BCORL1: variants seen among roughly 807,000 people sequenced by gnomAD.
BCORL1 encodes BCL-6 corepressor-like protein 1.
In BCORL1, 7 loss-of-function variants were observed where a neutral mutation model predicts 87.6. The ratio of observed to expected loss-of-function variants is 0.08; its 90% CI spans 0.05 to 0.15. BCORL1 has a LOEUF of 0.15. Ranked by LOEUF, BCORL1 falls within the 10% of genes least tolerant of loss-of-function variation. BCORL1 has a pLI of 1.00. For missense variants in BCORL1, 1,215 were observed against 1,499.7 expected, an observed-to-expected ratio of 0.81 and a Z score of 3.13; for synonymous variants, 591 against 634.4, an observed-to-expected ratio of 0.93 and a Z score of 1.03.
At chrX:129,999,420 C>T (rs1417050731) in intron 1 of BCORL1, among the ~76,000 whole-genome samples, 1 of 91,190 alleles carries the variant, frequency 1.1e-5, no homozygotes, top group Non-Finnish European at 2.2e-5. Flanking sequence ...GCAGTTCTCC[C>T]ACCTCAGCTT....
In BCORL1 at chrX:130,055,151, C is replaced by A. The variant is rs192089859; in HGVS notation, c.5076-703C>A. On this transcript the variant is annotated intron_variant, in intron 13 of 13. Transcript: ENST00000540052. ...GCATTAGTCAATGTAAGCGTTTGGC[C>A]CGGGATCGGCCTCTCCAGCACCCCT... Among the ~76,000 whole-genome samples the A allele has an allele frequency of 3.1e-4, 35 of 111,888 alleles. 1 individual carries two copies. The highest frequency in any genetic ancestry group is 9.2e-3 in the Middle Eastern group (2 of 217).
At chrX:129,994,150 A>G (rs1397266542) in intron 1 of BCORL1, among the ~76,000 whole-genome samples, 2 of 112,657 alleles carry the variant, frequency 1.8e-5, no homozygotes, top group African/African-American at 6.4e-5. Flanking sequence ...CTAGTAGTTT[A>G]TTCCCATTTT....
At position 130,012,989 on chromosome X, in the gene BCORL1, G is replaced by A. The variant is rs746653501; in HGVS notation, c.217G>A (p.Gly73Arg). The A allele has an allele frequency of 5.8e-6, 7 of 1,203,621 alleles. No individual in the cohort carries two copies. The highest frequency in any genetic ancestry group is 7.9e-6 in the Non-Finnish European group (7 of 889,411). Reference sequence around the variant, plus strand: ...AGTTGGAAGTGGCAGCAATGCCCGGGGGGCAGACCCAGATGGCAGTGCTAC... The same window carrying A: ...AGTTGGAAGTGGCAGCAATGCCCGGAGGGCAGACCCAGATGGCAGTGCTAC... Reference protein sequence around the residue: ...TAVGSGSNARGADPDGSATEK... With the variant: ...TAVGSGSNARRADPDGSATEK... The change falls in exon 4 of 14, where the codon GGG becomes AGG. Residue 73 changes from glycine to arginine, a missense_variant. By Grantham distance (125) the Gly-to-Arg change is moderately radical. Around this residue, in one of 5 missense-constraint regions of BCORL1, gnomAD observed 861 missense variants for 1,010.0 expected, o/e 0.85. Coordinates refer to ENST00000540052, the MANE Select transcript of BCORL1 (RefSeq NM_001379451.1).
At chrX:129,985,786 G>T (rs1926553209) in intron 1 of BCORL1, among the ~76,000 whole-genome samples, 1 of 111,466 alleles carries the variant, frequency 9.0e-6, no homozygotes, top group Admixed American at 9.5e-5. Context: ...CACAGATCCT[G>T]ACTAAAATTG....
At chrX:130,016,237 G>A (rs1000249962) in intron 4 of BCORL1, 24 bp downstream of exon 4, 18 of 1,167,711 alleles carry the variant, frequency 1.5e-5, no homozygotes, top group Non-Finnish European at 2.1e-5. Flanking sequence ...TAAGGTCCAG[G>A]GTGGGGCCGA....
At chrX:130,044,572 C>T (rs767458835) in intron 11 of BCORL1, among the ~76,000 whole-genome samples, 1 of 109,674 alleles carries the variant, frequency 9.1e-6, no homozygotes, top group Non-Finnish European at 1.9e-5. Context: ...TGCAATGGCA[C>T]GATCTTGGCT....
intron 11 of BCORL1, among the ~76,000 whole-genome samples, chrX:130,047,810 G>C (rs1286281778): frequency 2.7e-5 from 3 of 111,572 alleles, no homozygotes; most frequent in Non-Finnish European, 5.7e-5. Context: ...GTTTAGGTAC[G>C]GCAGAGACAA....
chrX:129,997,677 A>G (rs1927667089), intron 1 of BCORL1, among the ~76,000 whole-genome samples: 1 of 106,645 alleles, frequency 9.4e-6, no homozygotes, highest in Non-Finnish European at 1.9e-5. Context: ...CTGTAATCCC[A>G]GCTACTCAGG....
intron 13 of BCORL1, among the ~76,000 whole-genome samples, chrX:130,052,740 A>G (rs1007975815): frequency 8.9e-6 from 1 of 112,696 alleles, no homozygotes; most frequent in South Asian, 3.6e-4. Flanking sequence ...CTTAGCCTCC[A>G]TGATTTTTTC....
chrX:130,017,547 C>T (rs1929527572), intron 4 of BCORL1, among the ~76,000 whole-genome samples: 1 of 111,070 alleles, frequency 9.0e-6, no homozygotes, highest in Non-Finnish European at 1.9e-5. Flanking sequence ...CCCAGTTACA[C>T]AGCTACTAAC....
chrX:129,989,444 C>CTTTTTTTT (rs55654985), intron 1 of BCORL1, among the ~76,000 whole-genome samples: 2 of 17,757 alleles, frequency 1.1e-4, no homozygotes, highest in African/African-American at 2.6e-4. Flanking sequence ...CCGCACCCGT[C>CTTTTTTTT]TTTTTTTTTT....
At position 130,028,769 on chromosome X, in the gene BCORL1, G is replaced by A; in HGVS notation, c.4213G>A (p.Glu1405Lys). The change falls in exon 8 of 14, where the codon GAA becomes AAA. Residue 1405 changes from glutamate (E) to lysine (K), a missense_variant. Transcript: ENST00000540052. ...SPNGFLPNNL[E>K]EPACLENSEK... is the part of the protein sequence containing the mutation. ...AAACGGTTTCCTCCCAAATAACCTG[G>A]AAGAGCCAGCCTGCCTTGAAAATTC... is the stretch of plus-strand genomic sequence containing the variant. The A allele has an allele frequency of 8.3e-7, 1 of 1,210,976 alleles. No homozygotes were observed. Among genetic ancestry groups the A allele is most frequent in the Non-Finnish European group, 1.1e-6 (1 of 895,348 alleles).
chrX:129,995,774 G>T (rs895252488), intron 1 of BCORL1, among the ~76,000 whole-genome samples: 2 of 111,790 alleles, frequency 1.8e-5, no homozygotes, highest in Non-Finnish European at 3.8e-5. Flanking sequence ...TCCTCATTGG[G>T]GGCAGGGGTT....
At chrX:130,025,469 A>AC (rs1179072765) in intron 7 of BCORL1, 90 bp downstream of exon 7, 2 of 830,402 alleles carry the variant, frequency 2.4e-6, no homozygotes, top group Non-Finnish European at 3.4e-6. Context: ...AGGCTTCGGG[A>AC]CCCAGAGAAA....
At chrX:130,012,088 T>C (rs1929020227) in intron 2 of BCORL1, among the ~76,000 whole-genome samples, 1 of 111,859 alleles carries the variant, frequency 8.9e-6, no homozygotes, top group African/African-American at 3.2e-5. Context: ...AGGGGTTTAT[T>C]TGTTTTAGAA....
In BCORL1 at chrX:130,025,047, T is replaced by G; in HGVS notation, c.3746T>G (p.Val1249Gly). 8.3e-7 allele frequency: 1 copy of G among 1,211,131 alleles called. No individual in the cohort carries two copies. The highest frequency in any genetic ancestry group is 1.1e-6 in the Non-Finnish European group (1 of 895,165). The change falls in exon 7 of 14, where the codon GTC becomes GGC. Residue 1249 changes from valine to glycine, a missense_variant. Val to Gly is a moderately radical substitution (Grantham distance 109). Around this residue, in one of 5 missense-constraint regions of BCORL1, gnomAD observed 166 missense variants for 196.5 expected, o/e 0.84. Transcript: ENST00000540052. ...GACAGTGACATGGGAAGCCAGGAAGTCTTCCCCACAGAAGAAGAAGAGGAG... is the reference window on the plus strand; with the variant it reads ...GACAGTGACATGGGAAGCCAGGAAGGCTTCCCCACAGAAGAAGAAGAGGAG... ...MADSDMGSQE[V>G]FPTEEEEEVT... is the part of the protein sequence containing the mutation.
rs1188607398 is a variant in BCORL1 at position 130,014,018 on chromosome X, A to G, written c.1246A>G (p.Ser416Gly). 3.3e-6 allele frequency: 4 copies of G among 1,208,401 alleles called. No individual in the cohort carries two copies. The highest frequency in any genetic ancestry group is 4.4e-5 in the Admixed American group (2 of 45,714). ...CTCTGCACCCATCCCGGCCTCCTTC[A>G]GTTTGAGTAGAGTGTGCTTTCCTGC... The part of the protein sequence containing the change: ...PTSAPIPASF[S>G]LSRVCFPAAQ... The change falls in exon 4 of 14, where the codon AGT becomes GGT. Residue 416 changes from serine to glycine, a missense_variant. Ser to Gly is a moderately conservative substitution (Grantham distance 56). Transcript: ENST00000540052.
chrX:129,996,669 A>C (rs983995357), intron 1 of BCORL1, among the ~76,000 whole-genome samples: 3 of 111,649 alleles, frequency 2.7e-5, no homozygotes, highest in African/African-American at 9.8e-5. Context: ...CCCAGGCTAG[A>C]GTACGGTGGC....
At chrX:130,055,285 G>T (rs1037948669) in intron 13 of BCORL1, among the ~76,000 whole-genome samples, 1 of 112,782 alleles carries the variant, frequency 8.9e-6, no homozygotes, top group Admixed American at 9.4e-5. Flanking sequence ...TGCTGCTGGA[G>T]AAAAAACTTG....
Sources: gnomAD v4.1 joint callset for allele counts (sites outside exome capture counted in the v4.1 genomes callset) on GRCh38, gnomAD v4.1.1 for gene constraint, gnomAD v4.1.1 regional missense constraint, MANE v1.5 for transcripts, NCBI Gene and HGNC (gene_info 2026-07-23, HGNC 2026-07-21) for gene names.